CSMD3: variants seen among roughly 807,000 people sequenced by gnomAD.
CSMD3 encodes the protein CUB and sushi domain-containing protein 3.
Under a neutral mutation model 435.2 loss-of-function variants are expected in CSMD3, and 177 were observed. The observed-to-expected ratio is 0.41, with a 90% CI of 0.36 to 0.46. The LOEUF (loss-of-function observed/expected upper bound fraction) is 0.46. Among genes scored for constraint, CSMD3 ranks in the 20% least tolerant of loss-of-function variants. The pLI is 0.34. For missense variants in CSMD3, 4,265 were observed against 4,504.6 expected (o/e 0.95, Z 1.52); for synonymous variants, 1,656 against 1,520.5 (o/e 1.09, Z -2.07).
chr8:113,106,078 CT>C (rs1001141398), intron 4 of CSMD3, among the ~76,000 whole-genome samples: 25 of 150,906 alleles, frequency 1.7e-4, no homozygotes, highest in Admixed American at 2.6e-4. Flanking sequence ...GGCTTATAGA[CT>C]TTTTTTTTGT....
intron 4 of CSMD3, among the ~76,000 whole-genome samples, chr8:113,102,140 G>A (rs1857719): frequency 0.48 from 73,581 of 151,822 alleles, 20,623 homozygotes; most frequent in East Asian, 0.87. Context: ...TGACAGGATA[G>A]AGCCTTCTAT....
chr8:112,279,049 CAACAACAAA>C lies in CSMD3; in HGVS notation c.9508+2116_9508+2124del, dbSNP rs1189521642. Among the ~76,000 whole-genome samples, 81 of 144,242 alleles carry C rather than the reference CAACAACAAA, an allele frequency of 5.6e-4. No individual in the cohort carries two copies. The East Asian group carries it at 9.9e-3, about 18-fold the overall frequency. The allele number at this position is 144,242 out of a possible 152,430, so 94.6% of individuals were successfully genotyped here. A position where few individuals can be genotyped will look rare whatever the true frequency, so the allele number is the denominator to read the frequency against. On this transcript the variant is annotated intron_variant, in intron 59 of 70. Coordinates refer to ENST00000297405, the MANE Select transcript of CSMD3 (RefSeq NM_198123.2). The stretch of plus-strand genomic sequence containing the variant: ...ACAACAACAACAACAACAACAACAA[CAACAACAAA>C]ACACTAGGATACAGGGAGAAGAAAC...
intron 5 of CSMD3, among the ~76,000 whole-genome samples, chr8:113,079,330 T>A (rs2131444355): frequency 6.6e-6 from 1 of 152,280 alleles, no homozygotes; most frequent in South Asian, 2.1e-4. Flanking sequence ...ATACAAAATC[T>A]ACATTAATAC....
chr8:112,979,551 T>G (rs2084971966), intron 6 of CSMD3, among the ~76,000 whole-genome samples: 1 of 151,520 alleles, frequency 6.6e-6, no homozygotes, highest in Non-Finnish European at 1.5e-5. Flanking sequence ...CTGGAAAAAG[T>G]CTTAGAATTA....
chr8:112,403,814 C>A (rs1366213585), intron 35 of CSMD3, among the ~76,000 whole-genome samples: 1 of 152,040 alleles, frequency 6.6e-6, no homozygotes, highest in Non-Finnish European at 1.5e-5. Context: ...ATAGGATTGG[C>A]AAACAGTGGC....
At chr8:112,421,599 T>C (rs1005593521) in intron 32 of CSMD3, among the ~76,000 whole-genome samples, 6 of 147,076 alleles carry the variant, frequency 4.1e-5, no homozygotes, top group Non-Finnish European at 6.0e-5. Context: ...ATATTACATA[T>C]AATAATATAT....
chr8:113,011,442 G>A (rs1286177485), intron 6 of CSMD3, among the ~76,000 whole-genome samples: 1 of 151,686 alleles, frequency 6.6e-6, no homozygotes, highest in Non-Finnish European at 1.5e-5. Context: ...AGGGAAATTT[G>A]AAGTAAAACA....
At chr8:112,802,285 G>C (rs1448605065) in intron 12 of CSMD3, among the ~76,000 whole-genome samples, 5 of 151,578 alleles carry the variant, frequency 3.3e-5, no homozygotes, top group African/African-American at 1.2e-4. Context: ...TTCATTCCTG[G>C]AATTTCTCTC....
intron 12 of CSMD3, among the ~76,000 whole-genome samples, chr8:112,821,490 T>A (rs184792683): frequency 1.2e-3 from 181 of 152,286 alleles, no homozygotes; most frequent in African/African-American, 4.3e-3. Flanking sequence ...CACTTTTTGA[T>A]GGGGTTGTTT....
At chr8:112,994,819 C>A (rs2131036394) in intron 6 of CSMD3, among the ~76,000 whole-genome samples, 1 of 151,588 alleles carries the variant, frequency 6.6e-6, no homozygotes, top group East Asian at 1.9e-4. Flanking sequence ...TAACTCAGTT[C>A]ATTTATTCTC....
intron 17 of CSMD3, among the ~76,000 whole-genome samples, chr8:112,660,618 A>G (rs1290417080): frequency 1.3e-5 from 2 of 152,122 alleles, no homozygotes; most frequent in Non-Finnish European, 2.9e-5. Context: ...GGGTGGAAGT[A>G]AAGGAAAGGC....
At chr8:112,843,519 T>A (rs2080237305) in intron 11 of CSMD3, among the ~76,000 whole-genome samples, 1 of 151,892 alleles carries the variant, frequency 6.6e-6, no homozygotes, top group Non-Finnish European at 1.5e-5. Context: ...AATTTAAGAA[T>A]CTTGAGATGA....
chr8:112,622,263 C>G (rs975146086), intron 22 of CSMD3, among the ~76,000 whole-genome samples: 1 of 152,146 alleles, frequency 6.6e-6, no homozygotes, highest in African/African-American at 2.4e-5. Flanking sequence ...TCCTGTCCAA[C>G]TTTACTGTTC....
chr8:112,561,835 T>G (rs1378095364), intron 24 of CSMD3, among the ~76,000 whole-genome samples: 1 of 151,700 alleles, frequency 6.6e-6, no homozygotes, highest in Non-Finnish European at 1.5e-5. Context: ...CTTCATTTAT[T>G]GCCTGGTATT....
chr8:113,167,357 A>T (rs1203849277), intron 4 of CSMD3, among the ~76,000 whole-genome samples: 1 of 152,182 alleles, frequency 6.6e-6, no homozygotes, highest in African/African-American at 2.4e-5. Context: ...TAATTTCTTT[A>T]ACCTTCACCA....
At position 112,573,668 on chromosome 8, in the gene CSMD3, T is replaced by G; in HGVS notation, c.3886-11A>C. 7 of 1,549,844 alleles carry G rather than the reference T, an allele frequency of 4.5e-6. No individual in the cohort carries two copies. Among genetic ancestry groups the G allele is most frequent in the Non-Finnish European group, 6.2e-6 (7 of 1,123,296 alleles). On this transcript the variant is annotated splice_polypyrimidine_tract_variant and intron_variant, in intron 23 of 70. Transcript: ENST00000297405. ...TTTTCCATCATAAATCTGCAAAATA[T>G]ATTTATAATTAAAATGTAAATGTGC...
intron 8 of CSMD3, among the ~76,000 whole-genome samples, chr8:112,950,696 G>T (rs1028868433): frequency 6.6e-6 from 1 of 151,870 alleles, no homozygotes; most frequent in Non-Finnish European, 1.5e-5. Flanking sequence ...TCATGGAGAG[G>T]TTAAGAAATG....
chr8:112,276,845 G>T (rs1169669713), intron 59 of CSMD3, among the ~76,000 whole-genome samples: 1 of 152,124 alleles, frequency 6.6e-6, no homozygotes, highest in African/African-American at 2.4e-5. Context: ...GCCAAGGCTT[G>T]GGGCTTGCAC....
At chr8:112,452,811 G>T (rs1403802933) in intron 32 of CSMD3, among the ~76,000 whole-genome samples, 1 of 152,066 alleles carries the variant, frequency 6.6e-6, no homozygotes, top group Admixed American at 6.6e-5. Flanking sequence ...ATCCTTCTCT[G>T]CAAATTATAA....
Sources: gnomAD v4.1 joint callset for allele counts (sites outside exome capture counted in the v4.1 genomes callset) on GRCh38, gnomAD v4.1.1 for gene constraint, MANE v1.5 for transcripts, NCBI Gene and HGNC (gene_info 2026-07-23, HGNC 2026-07-21) for gene names.